The following KHDRBS2 variants were observed in gnomAD, a reference collection of about 807,000 sequenced individuals.
The protein encoded by KHDRBS2 is KH domain-containing, RNA-binding, signal transduction-associated protein 2.
Under a neutral mutation model 44.3 loss-of-function variants are expected in KHDRBS2, and 26 were observed. The observed-to-expected ratio is 0.59, with a 90% CI of 0.43 to 0.81. The LOEUF (loss-of-function observed/expected upper bound fraction) is 0.81, where lower values mean the gene tolerates loss of function less well. Ranked by LOEUF, KHDRBS2 falls within the 40% of genes least tolerant of loss-of-function variation. The probability of loss-of-function intolerance (pLI) is 0.00; values close to 1 mark genes in which losing one functional copy is unlikely to be tolerated. For missense variants in KHDRBS2, 476 were observed against 433.1 expected, an observed-to-expected ratio of 1.10 and a Z score of -0.88; for synonymous variants, 194 against 151.1, an observed-to-expected ratio of 1.28 and a Z score of -2.08.
At chr6:62,189,146 A>G (rs1289552005) in intron 1 of KHDRBS2, among the ~76,000 whole-genome samples, 1 of 151,770 alleles carries the variant, frequency 6.6e-6, no homozygotes, top group Non-Finnish European at 1.5e-5. Context: ...AAAAAAGAAG[A>G]AGAAAGAAAA....
intron 4 of KHDRBS2, among the ~76,000 whole-genome samples, chr6:61,928,328 A>G (rs375356351): frequency 3.1e-4 from 47 of 152,252 alleles, no homozygotes; most frequent in African/African-American, 1.1e-3. Context: ...AATGAATTCA[A>G]GAGGAAATAA....
intron 2 of KHDRBS2, among the ~76,000 whole-genome samples, chr6:62,083,849 A>T (rs1490988337): frequency 6.6e-6 from 1 of 152,206 alleles, no homozygotes; most frequent in Admixed American, 6.5e-5. Flanking sequence ...AAAGCTGTTT[A>T]TCACCACAGT....
At chr6:62,134,785 C>T (rs1277204051) in intron 2 of KHDRBS2, among the ~76,000 whole-genome samples, 1 of 152,170 alleles carries the variant, frequency 6.6e-6, no homozygotes, top group Non-Finnish European at 1.5e-5. Context: ...GATTTGACTC[C>T]CCCACTGTAT....
intron 2 of KHDRBS2, among the ~76,000 whole-genome samples, chr6:62,093,250 A>AAT (rs1296328600): frequency 6.6e-6 from 1 of 151,760 alleles, no homozygotes; most frequent in Non-Finnish European, 1.5e-5. Context: ...TAAAAGAAGG[A>AAT]ATATGCAAAA....
At chr6:61,824,464 T>C (rs1790520658) in intron 6 of KHDRBS2, among the ~76,000 whole-genome samples, 1 of 152,110 alleles carries the variant, frequency 6.6e-6, no homozygotes, top group Non-Finnish European at 1.5e-5. Context: ...CTCCCAGCCA[T>C]GCTTCTTGTT....
chr6:61,555,819 G>C, the KHDRBS2 span, among the ~76,000 whole-genome samples: 1 of 152,144 alleles, frequency 6.6e-6, no homozygotes, highest in Non-Finnish European at 1.5e-5. Context: ...TGGGCTATAT[G>C]CTTTAACTTG....
At chr6:61,546,457 A>G in the KHDRBS2 span, among the ~76,000 whole-genome samples, 1 of 152,126 alleles carries the variant, frequency 6.6e-6, no homozygotes, top group South Asian at 2.1e-4. Flanking sequence ...CAAGCAAAAT[A>G]ACATAATGAA....
chr6:61,734,696 A>G (rs1562058465), intron 6 of KHDRBS2, among the ~76,000 whole-genome samples: 1 of 152,126 alleles, frequency 6.6e-6, no homozygotes, highest in Non-Finnish European at 1.5e-5. Flanking sequence ...TTATTCTCAT[A>G]CACCTTTTCC....
chr6:61,637,167 A>G, the KHDRBS2 span, among the ~76,000 whole-genome samples: 1 of 151,872 alleles, frequency 6.6e-6, no homozygotes, highest in Non-Finnish European at 1.5e-5. Flanking sequence ...ATATCTCCCA[A>G]TGCTATCCCA....
At position 61,850,546 on chromosome 6, in the gene KHDRBS2, C is replaced by A. The variant is rs1301347884; in HGVS notation, c.810+44089G>T. On this transcript the variant is annotated intron_variant, in intron 6 of 8. Coordinates refer to ENST00000281156, the MANE Select transcript of KHDRBS2 (RefSeq NM_152688.4). ...TGATGTTGCTATGGTATCTGAAGAGCCTATTTAAAATAACTCACTTATAAT... is the reference window on the plus strand; with the variant it reads ...TGATGTTGCTATGGTATCTGAAGAGACTATTTAAAATAACTCACTTATAAT... Among the ~76,000 whole-genome samples the A allele has an allele frequency of 2.6e-5, 4 of 152,074 alleles. No individual in the cohort carries two copies. In the East Asian group the frequency reaches 5.8e-4, roughly 22 times the overall value.
intron 3 of KHDRBS2, among the ~76,000 whole-genome samples, chr6:61,999,226 T>C (rs548918123): frequency 2.0e-5 from 3 of 152,218 alleles, no homozygotes; most frequent in East Asian, 1.9e-4. Context: ...CCAACCCAAA[T>C]AAAAGCATCC....
intron 1 of KHDRBS2, among the ~76,000 whole-genome samples, chr6:62,253,331 C>T (rs887404736): frequency 2.6e-5 from 4 of 151,952 alleles, no homozygotes; most frequent in Non-Finnish European, 5.9e-5. Flanking sequence ...TCCATATTCG[C>T]ACAAAATTAC....
intron 4 of KHDRBS2, among the ~76,000 whole-genome samples, chr6:61,955,525 T>A (rs140395959): frequency 6.0e-5 from 2 of 33,300 alleles, no homozygotes; most frequent in South Asian, 1.2e-3. Flanking sequence ...TGTATGTATG[T>A]ATACATGTGT....
chr6:62,095,855 T>C (rs767624323), intron 2 of KHDRBS2, among the ~76,000 whole-genome samples: 11 of 151,968 alleles, frequency 7.2e-5, no homozygotes, highest in Non-Finnish European at 1.6e-4. Context: ...GCTGTGGGTC[T>C]ATTTTATACA....
intron 2 of KHDRBS2, among the ~76,000 whole-genome samples, chr6:62,137,672 G>T (rs755468679): frequency 5.7e-4 from 87 of 152,038 alleles, no homozygotes; most frequent in Non-Finnish European, 1.1e-3. Context: ...AAAATCCCAG[G>T]GTACTCTCTT....
At chr6:61,840,609 T>G (rs1793458701) in intron 6 of KHDRBS2, among the ~76,000 whole-genome samples, 1 of 152,062 alleles carries the variant, frequency 6.6e-6, no homozygotes, top group South Asian at 2.1e-4. Context: ...GGGCAACTAT[T>G]GGTATCTACT....
intron 6 of KHDRBS2, among the ~76,000 whole-genome samples, chr6:61,785,796 A>T (rs1332062775): frequency 2.6e-5 from 4 of 152,174 alleles, no homozygotes; most frequent in African/African-American, 4.8e-5. Context: ...AAAAAGAGAA[A>T]ACAAAAGTAT....
intron 6 of KHDRBS2, among the ~76,000 whole-genome samples, chr6:61,865,773 G>A (rs909368712): frequency 3.9e-5 from 6 of 152,150 alleles, no homozygotes; most frequent in African/African-American, 7.2e-5. Flanking sequence ...CCATCTATGA[G>A]CCTGGGATAA....
chr6:62,146,388 T>C (rs1184640219), intron 2 of KHDRBS2, among the ~76,000 whole-genome samples: 1 of 151,720 alleles, frequency 6.6e-6, no homozygotes, highest in South Asian at 2.1e-4. Context: ...TAAAATCCAC[T>C]AGTTGTTGTC....
Sources: allele counts gnomAD v4.1 joint callset (sites outside exome capture counted in the v4.1 genomes callset), GRCh38; gene constraint gnomAD v4.1.1; transcripts MANE v1.5; gene names NCBI Gene and HGNC (gene_info 2026-07-23, HGNC 2026-07-21).